CPD: variants seen among roughly 807,000 people sequenced by gnomAD.
The protein encoded by CPD is metallocarboxypeptidase D.
In CPD, 69 loss-of-function variants were observed where a neutral mutation model predicts 138.3. The observed-to-expected ratio is 0.50, with a 90% CI of 0.41 to 0.61. The LOEUF (loss-of-function observed/expected upper bound fraction) is 0.61, where lower values mean the gene tolerates loss of function less well. Ranked by LOEUF, CPD falls within the 20% of genes least tolerant of loss-of-function variation. The pLI is 0.00. For synonymous variants in CPD, 651 were observed against 642.1 expected (o/e 1.01, Z -0.21); for missense variants, 1,432 against 1,733.3 (o/e 0.83, Z 3.09).
intron 8 of CPD, among the ~76,000 whole-genome samples, chr17:30,432,199 G>A (rs1300019626): frequency 6.6e-6 from 1 of 152,278 alleles, no homozygotes; most frequent in East Asian, 1.9e-4. Context: ...TTATAGCTCT[G>A]GAGCCAAATC....
chr17:30,420,507 A>T (rs550045283), intron 2 of CPD, among the ~76,000 whole-genome samples: 41 of 152,342 alleles, frequency 2.7e-4, no homozygotes, highest in African/African-American at 9.4e-4. Flanking sequence ...GCTAATACAC[A>T]TAAAGCTCTT....
intron 2 of CPD, among the ~76,000 whole-genome samples, chr17:30,389,000 C>A (rs1244254845): frequency 6.6e-6 from 1 of 152,202 alleles, no homozygotes; most frequent in African/African-American, 2.4e-5. Context: ...CTGGCCAGAT[C>A]CCCAAAGCTG....
At chr17:30,448,267 G>A (rs1343808958) in intron 12 of CPD, among the ~76,000 whole-genome samples, 1 of 152,218 alleles carries the variant, frequency 6.6e-6, no homozygotes, top group Non-Finnish European at 1.5e-5. Flanking sequence ...GGAGGCCCAG[G>A]TGGGAGGATC....
At chr17:30,461,416 A>G in intron 18 of CPD, 105 bp downstream of exon 18, 1 of 832,588 alleles carries the variant, frequency 1.2e-6, no homozygotes, top group Non-Finnish European at 1.6e-6. Context: ...ATTTATTTTA[A>G]ATTTATATAG....
At chr17:30,433,473 C>T (rs1912617918) in intron 8 of CPD, among the ~76,000 whole-genome samples, 1 of 152,182 alleles carries the variant, frequency 6.6e-6, no homozygotes. Flanking sequence ...CATACCTTTT[C>T]AATGATTCTC....
chr17:30,420,833 T>C lies in CPD; in HGVS notation c.995-8T>C. 24 of 1,603,640 alleles carry C rather than the reference T, an allele frequency of 1.5e-5. No individual in the cohort carries two copies. Among genetic ancestry groups the C allele is most frequent in the Non-Finnish European group, 2.0e-5 (24 of 1,173,888 alleles). On this transcript the variant is annotated splice_polypyrimidine_tract_variant and splice_region_variant and intron_variant, in intron 2 of 20. Transcript: ENST00000225719. ...TCTGAGAGTAAACTTATTTTTTCTA[T>C]GTTACAGGTGGTATGCAAGATTACA... is the stretch of plus-strand genomic sequence containing the variant.
intron 17 of CPD, among the ~76,000 whole-genome samples, chr17:30,457,713 G>C (rs1175032398): frequency 2.0e-5 from 3 of 151,260 alleles, no homozygotes; most frequent in African/African-American, 7.3e-5. Context: ...AGGCTGGAGT[G>C]CAGTGGCTAT....
At chr17:30,452,789 T>G (rs1416316266) in intron 14 of CPD, among the ~76,000 whole-genome samples, 2 of 151,596 alleles carry the variant, frequency 1.3e-5, no homozygotes, top group Non-Finnish European at 2.9e-5. Flanking sequence ...TACCCAAGAC[T>G]GGAAAGAAAA....
chr17:30,443,809 A>G lies in CPD; in HGVS notation c.2381A>G (p.Gln794Arg). Residue 794 changes from glutamine (Q) to arginine (R), a missense_variant, in exon 11 of 21, where the codon CAG becomes CGG. By Grantham distance (43) the Gln-to-Arg change is conservative. Transcript: ENST00000225719. ...TCCTTGTACTTAATCCAGGTTCATC[A>G]GGGCGTCAGAGGATTTGTTCTAGAT... ...SLIQFMKQVH[Q>R]GVRGFVLDAT... The G allele has an allele frequency of 1.2e-6, 2 of 1,609,102 alleles. No individual in the cohort carries two copies. Among genetic ancestry groups the G allele is most frequent in the East Asian group, 4.5e-5 (2 of 44,846 alleles).
At chr17:30,410,854 T>C (rs1015241536) in intron 2 of CPD, among the ~76,000 whole-genome samples, 12 of 152,220 alleles carry the variant, frequency 7.9e-5, no homozygotes, top group Non-Finnish European at 1.3e-4. Flanking sequence ...TTAGCCCATT[T>C]ACATTTAAGG....
rs1432734748 is a variant in CPD at position 30,421,838 on chromosome 17, G to A, written c.1307+5G>A. ...CCTTACAGTAGTTTTAACTGGGTAA[G>A]AATTTAAACTATGTAGACTCTTAGT... On this transcript the variant is annotated splice_donor_5th_base_variant and intron_variant, in intron 4 of 20. Coordinates refer to ENST00000225719, the MANE Select transcript of CPD (RefSeq NM_001304.5). 1 of 1,603,218 alleles carries A rather than the reference G, an allele frequency of 6.2e-7. No homozygotes were observed. The highest frequency in any genetic ancestry group is 8.5e-7 in the Non-Finnish European group (1 of 1,170,634).
intron 2 of CPD, among the ~76,000 whole-genome samples, chr17:30,389,033 C>T (rs931407985): frequency 6.6e-6 from 1 of 152,190 alleles, no homozygotes; most frequent in Non-Finnish European, 1.5e-5. Context: ...CTTTCCGCCC[C>T]GCCCCCGAAG....
intron 20 of CPD, among the ~76,000 whole-genome samples, chr17:30,464,061 A>T (rs1035560939): frequency 5.3e-5 from 8 of 152,100 alleles, no homozygotes; most frequent in African/African-American, 1.9e-4. Context: ...TCATTATGGT[A>T]AAAGAAAAAA....
rs1191266032 is a variant in CPD, at chr17:30,469,319, C to G, written c.*4505C>G. ...TTTGAGCATGGACTTTGGAGTTGGA[C>G]CAATCTGTGACTGATTCTTCGTTCT... On this transcript the variant is annotated 3_prime_UTR_variant, in exon 21 of 21. Coordinates refer to ENST00000225719, the MANE Select transcript of CPD (RefSeq NM_001304.5). 6.6e-6 allele frequency: 1 copy of G among 152,196 alleles called. No homozygotes were observed. The highest frequency in any genetic ancestry group is 6.5e-5 in the Admixed American group (1 of 15,286). The allele number at this position is 152,196 out of a possible 1,614,324, so 9.4% of individuals were successfully genotyped here. A position where few individuals can be genotyped will look rare whatever the true frequency, so the allele number is the denominator to read the frequency against.
intron 17 of CPD, among the ~76,000 whole-genome samples, chr17:30,457,431 G>T (rs1400891837): frequency 6.6e-6 from 1 of 152,122 alleles, no homozygotes; most frequent in Admixed American, 6.5e-5. Context: ...GGTATTGCAG[G>T]TATCTGTTTG....
At chr17:30,398,373 A>T (rs1555606928) in intron 2 of CPD, among the ~76,000 whole-genome samples, 1 of 152,234 alleles carries the variant, frequency 6.6e-6, no homozygotes, top group Non-Finnish European at 1.5e-5. Context: ...CCTGTAACTG[A>T]ATGTTTTACT....
intron 2 of CPD, among the ~76,000 whole-genome samples, chr17:30,404,836 C>T (rs1597713213): frequency 6.6e-6 from 1 of 152,044 alleles, no homozygotes; most frequent in East Asian, 1.9e-4. Flanking sequence ...GTAGTTAAAT[C>T]TTTTAGGTAG....
chr17:30,403,634 G>T (rs1911733019), intron 2 of CPD, among the ~76,000 whole-genome samples: 1 of 152,188 alleles, frequency 6.6e-6, no homozygotes. Flanking sequence ...AGACTTTCCA[G>T]TGGCATGAGC....
intron 2 of CPD, among the ~76,000 whole-genome samples, chr17:30,418,851 G>T (rs137907340): frequency 2.3e-4 from 35 of 152,246 alleles, no homozygotes; most frequent in African/African-American, 8.2e-4. Context: ...CTTCAGGATT[G>T]TGTTCAGTTT....
Sources: gnomAD v4.1 joint callset for allele counts (sites outside exome capture counted in the v4.1 genomes callset) on GRCh38, gnomAD v4.1.1 for gene constraint, MANE v1.5 for transcripts, NCBI Gene and HGNC (gene_info 2026-07-23, HGNC 2026-07-21) for gene names.